Variants in FBXW7 observed in about 807,000 individuals in gnomAD.
FBXW7 encodes F-box and WD repeat domain containing 7.
In FBXW7, 11 loss-of-function variants were observed where a neutral mutation model predicts 86.3. The ratio of observed to expected loss-of-function variants is 0.13; its 90% CI spans 0.08 to 0.21. The LOEUF is 0.21. FBXW7 is among the 10% of genes least tolerant of loss of function. FBXW7 has a pLI of 1.00. For missense variants in FBXW7, 488 were observed against 847.4 expected (o/e 0.58, Z 5.27); for synonymous variants, 313 against 297.9 (o/e 1.05, Z -0.52).
At chr4:152,350,465 C>T (rs1281398630) in intron 4 of FBXW7, among the ~76,000 whole-genome samples, 2 of 151,664 alleles carry the variant, frequency 1.3e-5, no homozygotes, top group Non-Finnish European at 3.0e-5. Context: ...AGTTAATCCA[C>T]ACAGAAAATA....
At chr4:152,396,372 T>G (rs925080843) in intron 4 of FBXW7, among the ~76,000 whole-genome samples, 1 of 151,978 alleles carries the variant, frequency 6.6e-6, no homozygotes, top group African/African-American at 2.4e-5. Context: ...ACTCCCAACA[T>G]CGTCCTTCCC....
At chr4:152,493,296 C>A (rs1388175649) in intron 2 of FBXW7, among the ~76,000 whole-genome samples, 1 of 151,952 alleles carries the variant, frequency 6.6e-6, no homozygotes, top group Non-Finnish European at 1.5e-5. Context: ...TCCCGAGTAG[C>A]TGCGATTACA....
rs11457603 is a variant in FBXW7 at position 152,445,910 on chromosome 4, TAAAAAAAAAAAAAA to T, written c.-119-33395_-119-33382del. 8.8e-3 allele frequency among the ~76,000 whole-genome samples: 884 copies of T among 100,698 alleles called. 25 individuals carry two copies. Among genetic ancestry groups the T allele is most frequent in the Admixed American group, 0.065 (582 of 8,940 alleles). The allele number at this position is 100,698 out of a possible 152,430, so 66.1% of individuals were successfully genotyped here. On this transcript the variant is annotated intron_variant, in intron 2 of 13. Transcript: ENST00000281708. ...GGGTGACACAGCAAGACTCTGTCTT[TAAAAAAAAAAAAAA>T]AAAAAAAAAAAAAAAAAACCAAAGT...
At chr4:152,460,169 AC>A (rs1212973952) in intron 2 of FBXW7, among the ~76,000 whole-genome samples, 23 of 152,306 alleles carry the variant, frequency 1.5e-4, no homozygotes, top group African/African-American at 5.3e-4. Flanking sequence ...TTTTTTAGAA[AC>A]CTATTATACA....
chr4:152,361,957 C>A (rs1732990717), intron 4 of FBXW7, among the ~76,000 whole-genome samples: 1 of 131,884 alleles, frequency 7.6e-6, no homozygotes, highest in Non-Finnish European at 1.6e-5. Context: ...CAGAGCTAGA[C>A]TCCATCTCAA....
chr4:152,431,336 C>T (rs1739872248), intron 2 of FBXW7, among the ~76,000 whole-genome samples: 1 of 152,110 alleles, frequency 6.6e-6, no homozygotes, highest in Non-Finnish European at 1.5e-5. Flanking sequence ...TCCTACTGAG[C>T]AACAGCACAA....
chr4:152,514,714 C>T (rs1413667090), intron 2 of FBXW7, among the ~76,000 whole-genome samples: 2 of 152,166 alleles, frequency 1.3e-5, no homozygotes, highest in Admixed American at 1.3e-4. Flanking sequence ...GATACCTGCT[C>T]CCCTTCACTC....
chr4:152,389,263 TC>T (rs1735794736), intron 4 of FBXW7, among the ~76,000 whole-genome samples: 1 of 152,072 alleles, frequency 6.6e-6, no homozygotes, highest in Non-Finnish European at 1.5e-5. Flanking sequence ...TATCATTTGA[TC>T]CAGCAATCCC....
intron 2 of FBXW7, among the ~76,000 whole-genome samples, chr4:152,429,585 C>G (rs1739706388): frequency 6.6e-6 from 1 of 152,104 alleles, no homozygotes; most frequent in Non-Finnish European, 1.5e-5. Flanking sequence ...ATGCTGGAAG[C>G]CATGCTGGAA....
chr4:152,471,475 A>AG (rs1463362932), intron 2 of FBXW7, among the ~76,000 whole-genome samples: 2 of 105,188 alleles, frequency 1.9e-5, no homozygotes, highest in African/African-American at 7.5e-5. Context: ...GAAGGAGGGA[A>AG]GCAGGGAGGG....
At position 152,515,433 on chromosome 4, in the gene FBXW7, C is replaced by T. The variant is rs1258326008; in HGVS notation, c.-120+19508G>A. 5.9e-5 allele frequency among the ~76,000 whole-genome samples: 9 copies of T among 152,254 alleles called. No individual in the cohort carries two copies. In the South Asian group the frequency reaches 6.2e-4, roughly 11 times the overall value. Reference sequence around the variant, plus strand: ...ATAAATTATATCTCAATAAAATCAACTTAAAATGGGGGGAAAAAAGCAACA... The same window carrying T: ...ATAAATTATATCTCAATAAAATCAATTTAAAATGGGGGGAAAAAAGCAACA... On this transcript the variant is annotated intron_variant, in intron 2 of 13. Coordinates refer to ENST00000281708, the MANE Select transcript of FBXW7 (RefSeq NM_001349798.2).
At chr4:152,474,230 C>G (rs1039850975) in intron 2 of FBXW7, among the ~76,000 whole-genome samples, 3 of 152,184 alleles carry the variant, frequency 2.0e-5, no homozygotes, top group African/African-American at 7.2e-5. Context: ...TTAAAAGATG[C>G]ACAATGAATT....
intron 4 of FBXW7, among the ~76,000 whole-genome samples, chr4:152,362,141 A>T (rs547327402): frequency 6.6e-6 from 1 of 152,240 alleles, no homozygotes; most frequent in South Asian, 2.1e-4. Context: ...CTATTAAACA[A>T]ATATGAATTA....
chr4:152,442,342 G>A (rs1432463352), intron 2 of FBXW7, among the ~76,000 whole-genome samples: 1 of 152,140 alleles, frequency 6.6e-6, no homozygotes, highest in Non-Finnish European at 1.5e-5. Flanking sequence ...TAGCAAAAAC[G>A]AAATCTATGG....
intron 2 of FBXW7, among the ~76,000 whole-genome samples, chr4:152,429,646 A>C (rs1398399952): frequency 6.6e-6 from 1 of 152,182 alleles, no homozygotes; most frequent in Non-Finnish European, 1.5e-5. Flanking sequence ...GACATATCTG[A>C]GTTTCAAACT....
intron 4 of FBXW7, among the ~76,000 whole-genome samples, chr4:152,362,679 T>C (rs1167472282): frequency 6.6e-6 from 1 of 151,632 alleles, no homozygotes; most frequent in Admixed American, 6.6e-5. Flanking sequence ...ATAAAACAAA[T>C]TAGCCAGGCA....
At chr4:152,532,816 C>T (rs1363924277) in intron 2 of FBXW7, among the ~76,000 whole-genome samples, 1 of 152,192 alleles carries the variant, frequency 6.6e-6, no homozygotes, top group East Asian at 1.9e-4. Context: ...TCTCCACCAC[C>T]TACAAGTAAA....
Position 152,466,766 on chromosome 4 carries a change from T to C in FBXW7, c.-119-54237A>G, listed in dbSNP as rs537421682. Among the ~76,000 whole-genome samples, 820 of 151,744 alleles carry C rather than the reference T, an allele frequency of 5.4e-3. 10 individuals are homozygous for C. The highest frequency in any genetic ancestry group is 0.019 in the African/African-American group (775 of 41,358). On this transcript the variant is annotated intron_variant, in intron 2 of 13. Coordinates refer to ENST00000281708, the MANE Select transcript of FBXW7 (RefSeq NM_001349798.2). ...GACCATCCTGGCTAACATGGTGACA[T>C]GCCATCTCTACTAAAAATACAAAAA...
chr4:152,527,901 C>CACACACACACACACACACACACAT (rs71596295), intron 2 of FBXW7, among the ~76,000 whole-genome samples: 1 of 149,188 alleles, frequency 6.7e-6, no homozygotes, highest in African/African-American at 2.5e-5. Context: ...CACACACACA[C>CACACACACACACACACACACACAT]ATATATATAC....
Sources: gnomAD v4.1 joint callset for allele counts (sites outside exome capture counted in the v4.1 genomes callset) on GRCh38, gnomAD v4.1.1 for gene constraint, MANE v1.5 for transcripts, NCBI Gene and HGNC (gene_info 2026-07-23, HGNC 2026-07-21) for gene names.